Variants in ASTN2 observed in about 807,000 individuals in gnomAD.
ASTN2 encodes astrotactin-2.
ASTN2 carries 54 observed loss-of-function variants against 139.8 expected under a neutral mutation model. That is an observed-to-expected ratio of 0.39 (90% confidence interval 0.31 to 0.48). The LOEUF (loss-of-function observed/expected upper bound fraction) is 0.48, where lower values mean the gene tolerates loss of function less well. Ranked by LOEUF, ASTN2 falls within the 20% of genes least tolerant of loss-of-function variation. The probability of loss-of-function intolerance (pLI) is 0.95; values close to 1 mark genes in which losing one functional copy is unlikely to be tolerated. For synonymous variants in ASTN2, 756 were observed against 719.5 expected, an observed-to-expected ratio of 1.05 and a Z score of -0.81; for missense variants, 1,565 against 1,725.1, an observed-to-expected ratio of 0.91 and a Z score of 1.64.
chr9:116,978,495 G>GCGCA (rs762311934), intron 7 of ASTN2, among the ~76,000 whole-genome samples: 1 of 127,644 alleles, frequency 7.8e-6, no homozygotes, highest in African/African-American at 2.8e-5. Context: ...TCTCTCTCAC[G>GCGCA]CACACACACA....
chr9:117,055,670 G>A lies in ASTN2; in HGVS notation c.1277-15705C>T, dbSNP rs141539036. Among the ~76,000 whole-genome samples the A allele has an allele frequency of 4.2e-3, 640 of 152,284 alleles. 3 individuals carry two copies. Among genetic ancestry groups the A allele is most frequent in the Non-Finnish European group, 6.2e-3 (424 of 68,032 alleles). On this transcript the variant is annotated intron_variant, in intron 5 of 22. Transcript: ENST00000313400. The stretch of plus-strand genomic sequence containing the variant: ...AGAATTAGAGAACATGAAACCTGGT[G>A]ATAAATCAGTCTTCGAGTACATGGA...
At chr9:117,098,850 G>A (rs542331812) in intron 4 of ASTN2, among the ~76,000 whole-genome samples, 92 of 152,010 alleles carry the variant, frequency 6.1e-4, no homozygotes, top group Non-Finnish European at 9.9e-4. Context: ...GCTCACACCT[G>A]TAATCCCAGC....
rs1248482869 is a variant in ASTN2 at position 116,480,776 on chromosome 9, C to A, written c.3497+6583G>T. 3.9e-5 allele frequency among the ~76,000 whole-genome samples: 6 copies of A among 152,210 alleles called. No homozygotes were observed. In the East Asian group the frequency reaches 1.2e-3, roughly 29 times the overall value. ...GGAAAGAGAACAGTAGAGGCAAAGA[C>A]CTTGAGGAAGGAAGAGACTGGCGCA... On this transcript the variant is annotated intron_variant, in intron 20 of 22. Coordinates refer to ENST00000313400, the MANE Select transcript of ASTN2 (RefSeq NM_001365068.1).
chr9:117,273,042 G>A (rs1278718162), intron 2 of ASTN2, among the ~76,000 whole-genome samples: 3 of 152,138 alleles, frequency 2.0e-5, no homozygotes, highest in Non-Finnish European at 2.9e-5. Context: ...CGCTGATAAA[G>A]ACATACCTGA....
intron 4 of ASTN2, among the ~76,000 whole-genome samples, chr9:117,106,248 A>G (rs1461067470): frequency 2.6e-5 from 4 of 151,370 alleles, no homozygotes; most frequent in African/African-American, 9.7e-5. Flanking sequence ...TTCTTTTGAG[A>G]CAGAATCTCA....
chr9:117,096,166 A>C lies in ASTN2; in HGVS notation c.1169-15T>G. On this transcript the variant is annotated splice_polypyrimidine_tract_variant and intron_variant, in intron 4 of 22. Transcript: ENST00000313400. The stretch of plus-strand genomic sequence containing the variant: ...GCTGATTCCTCCTGTGAGTAAGCAC[A>C]GTCTATCAGTTAGTCTCCCAGGCCT... The C allele has an allele frequency of 1.2e-6, 2 of 1,606,322 alleles. No individual in the cohort carries two copies. Among genetic ancestry groups the C allele is most frequent in the Non-Finnish European group, 1.7e-6 (2 of 1,173,102 alleles).
intron 19 of ASTN2, among the ~76,000 whole-genome samples, chr9:116,598,504 T>G (rs1253130204): frequency 6.6e-6 from 1 of 152,214 alleles, no homozygotes; most frequent in Non-Finnish European, 1.5e-5. Flanking sequence ...ATTGTGGTTT[T>G]TGCCATTGAA....
chr9:117,121,801 C>T (rs1031037459), intron 4 of ASTN2, among the ~76,000 whole-genome samples: 6 of 152,138 alleles, frequency 3.9e-5, no homozygotes, highest in Non-Finnish European at 7.4e-5. Context: ...TGGCAGAAGC[C>T]GATGGGGAAG....
chr9:117,221,149 G>C (rs987112707), intron 2 of ASTN2, among the ~76,000 whole-genome samples: 1 of 152,164 alleles, frequency 6.6e-6, no homozygotes, highest in Non-Finnish European at 1.5e-5. Context: ...GCATCAACAA[G>C]GCACCTGACC....
rs1835472832 is a variant in ASTN2 at position 116,948,787 on chromosome 9, T to TTTTTTTTTTG, written c.1889+26420_1889+26421insCAAAAAAAAA. ...AGAGAGGAGAGAAATAATTTGGTGT[T>TTTTTTTTTTG]TTTTTTTTTTTTTTTTTTTTTTTGA... On this transcript the variant is annotated intron_variant, in intron 10 of 22. Transcript: ENST00000313400. 8.2e-4 allele frequency among the ~76,000 whole-genome samples: 26 copies of TTTTTTTTTTG among 31,854 alleles called. 1 individual carries two copies. The highest frequency in any genetic ancestry group is 1.6e-3 in the African/African-American group (24 of 14,946). 20.9% of individuals were successfully genotyped at this position (31,854 alleles called of 152,430 possible). A position where few individuals can be genotyped will look rare whatever the true frequency, so the allele number is the denominator to read the frequency against.
intron 20 of ASTN2, among the ~76,000 whole-genome samples, chr9:116,477,673 CA>C (rs1451744556): frequency 2.0e-5 from 3 of 151,452 alleles, no homozygotes; most frequent in African/African-American, 4.9e-5. Context: ...GAGAAAGAGA[CA>C]GGGGTAGAGA....
rs185051864 is a variant in ASTN2, at chr9:116,467,018, T to C, written c.3497+20341A>G. ...GGTTTGGGTGGGACTGTTCCTCTCA[T>C]GTTCCTGCCTCTCACCAGAGGAGTG... is the stretch of plus-strand genomic sequence containing the variant. On this transcript the variant is annotated intron_variant, in intron 20 of 22. Coordinates refer to ENST00000313400, the MANE Select transcript of ASTN2 (RefSeq NM_001365068.1). 6.4e-4 allele frequency among the ~76,000 whole-genome samples: 97 copies of C among 152,246 alleles called. 1 individual carries two copies. The highest frequency in any genetic ancestry group is 2.2e-3 in the African/African-American group (91 of 41,560).
chr9:116,448,101 C>T (rs1280208704), intron 20 of ASTN2, among the ~76,000 whole-genome samples: 2 of 152,196 alleles, frequency 1.3e-5, no homozygotes, highest in South Asian at 2.1e-4. Flanking sequence ...TCCAGGCCAA[C>T]GCCTGCTCTT....
chr9:116,942,355 T>G (rs954293120), intron 10 of ASTN2, among the ~76,000 whole-genome samples: 1 of 152,136 alleles, frequency 6.6e-6, no homozygotes, highest in African/African-American at 2.4e-5. Context: ...CTGATCTATC[T>G]CTCTTCTCTG....
At chr9:116,465,554 T>C (rs1041130948) in intron 20 of ASTN2, among the ~76,000 whole-genome samples, 19 of 152,198 alleles carry the variant, frequency 1.2e-4, no homozygotes, top group Non-Finnish European at 2.2e-4. Context: ...TAACATCCAG[T>C]GGTACTTTTT....
chr9:117,334,563 C>A (rs965292627), intron 1 of ASTN2, among the ~76,000 whole-genome samples: 12 of 151,044 alleles, frequency 7.9e-5, no homozygotes, highest in African/African-American at 2.9e-4. Context: ...TCCCAGCATT[C>A]TGCCTCTACC....
chr9:117,329,735 G>T (rs1828641216), intron 1 of ASTN2, among the ~76,000 whole-genome samples: 1 of 152,142 alleles, frequency 6.6e-6, no homozygotes, highest in Non-Finnish European at 1.5e-5. Context: ...AGTTGCTGCT[G>T]GGGTCATAAA....
At chr9:117,323,807 T>C (rs1160616811) in intron 1 of ASTN2, among the ~76,000 whole-genome samples, 1 of 152,192 alleles carries the variant, frequency 6.6e-6, no homozygotes, top group Non-Finnish European at 1.5e-5. Context: ...GCCCTTGTTG[T>C]AGCTAGGCAG....
At chr9:116,799,229 T>A (rs556228445) in intron 13 of ASTN2, among the ~76,000 whole-genome samples, 2 of 152,120 alleles carry the variant, frequency 1.3e-5, no homozygotes, top group Admixed American at 6.5e-5. Context: ...GTATCCTCAG[T>A]GGGGGAATGA....
Sources: gnomAD v4.1 joint callset for allele counts (sites outside exome capture counted in the v4.1 genomes callset) on GRCh38, gnomAD v4.1.1 for gene constraint, MANE v1.5 for transcripts, NCBI Gene and HGNC (gene_info 2026-07-23, HGNC 2026-07-21) for gene names.